The following KCNIP1 variants were observed in gnomAD, a reference collection of about 807,000 sequenced individuals.
The protein encoded by KCNIP1 is A-type potassium channel modulatory protein KCNIP1.
KCNIP1 carries 18 observed loss-of-function variants against 33.0 expected under a neutral mutation model. The observed-to-expected ratio is 0.55, with a 90% CI of 0.38 to 0.81. The LOEUF (loss-of-function observed/expected upper bound fraction) is 0.81, where lower values mean the gene tolerates loss of function less well. Among genes scored for constraint, KCNIP1 ranks in the 30% least tolerant of loss-of-function variants. The pLI, the probability that KCNIP1 is intolerant of heterozygous loss-of-function variation, is 0.00. For synonymous variants in KCNIP1, 93 were observed against 98.3 expected (o/e 0.95, Z 0.32); for missense variants, 238 against 271.6 (o/e 0.88, Z 0.87).
intron 1 of KCNIP1, among the ~76,000 whole-genome samples, chr5:170,591,327 C>A (rs1018678964): frequency 1.3e-5 from 2 of 152,128 alleles, no homozygotes; most frequent in Non-Finnish European, 1.5e-5. Flanking sequence ...CCTGTATTCT[C>A]AGGACTTGGA....
intron 1 of KCNIP1, among the ~76,000 whole-genome samples, chr5:170,679,775 C>T (rs1430197413): frequency 6.6e-6 from 1 of 151,078 alleles, no homozygotes; most frequent in African/African-American, 2.4e-5. Context: ...GGAAAAGATA[C>T]ATGGATGTGC....
intron 1 of KCNIP1, among the ~76,000 whole-genome samples, chr5:170,704,391 CTCTT>C (rs1344703534): frequency 1.5e-5 from 2 of 136,666 alleles, no homozygotes; most frequent in East Asian, 4.0e-4. Context: ...GTCACCTTTT[CTCTT>C]TCTTCTCTGA....
intron 1 of KCNIP1, among the ~76,000 whole-genome samples, chr5:170,417,049 G>A (rs976316499): frequency 6.6e-6 from 1 of 152,204 alleles, no homozygotes; most frequent in Non-Finnish European, 1.5e-5. Context: ...TTAGTTAGAA[G>A]GATGCAGTAT....
At chr5:170,563,027 C>T (rs1561688595) in intron 1 of KCNIP1, among the ~76,000 whole-genome samples, 1 of 152,130 alleles carries the variant, frequency 6.6e-6, no homozygotes, top group Non-Finnish European at 1.5e-5. Context: ...CACCTCCACC[C>T]ACACACAGAT....
At chr5:170,717,519 G>C (rs962747397) in intron 1 of KCNIP1, among the ~76,000 whole-genome samples, 6 of 152,144 alleles carry the variant, frequency 3.9e-5, no homozygotes, top group Non-Finnish European at 7.3e-5. Context: ...TTGTTACCAA[G>C]TTACGGGAGC....
chr5:170,439,926 G>A (rs1247729661), intron 1 of KCNIP1, among the ~76,000 whole-genome samples: 1 of 152,144 alleles, frequency 6.6e-6, no homozygotes, highest in African/African-American at 2.4e-5. Flanking sequence ...GTCCACAGGC[G>A]GCCATCCCCG....
intron 1 of KCNIP1, among the ~76,000 whole-genome samples, chr5:170,589,168 T>C (rs1223144378): frequency 6.6e-6 from 1 of 151,912 alleles, no homozygotes; most frequent in African/African-American, 2.4e-5. Flanking sequence ...TGGCTAACTT[T>C]TTTTGTATTT....
chr5:170,666,203 TGGG>T (rs1761695460), intron 1 of KCNIP1, among the ~76,000 whole-genome samples: 1 of 152,234 alleles, frequency 6.6e-6, no homozygotes, highest in Non-Finnish European at 1.5e-5. Flanking sequence ...GTTGACACTT[TGGG>T]TTATAATCCA....
chr5:170,711,488 T>A (rs1372626991), intron 1 of KCNIP1, among the ~76,000 whole-genome samples: 3 of 152,212 alleles, frequency 2.0e-5, no homozygotes, highest in African/African-American at 7.2e-5. Context: ...AGTGGATACA[T>A]GACGTCATGC....
At position 170,431,954 on chromosome 5, in the gene KCNIP1, G is replaced by C. The variant is rs138968484; in HGVS notation, c.88+77990G>C. On this transcript the variant is annotated intron_variant, in intron 1 of 7. Transcript: ENST00000377360. Reference sequence around the variant, plus strand: ...AAGGCTCAGGCCTGAGGGGTTGCTGGTGGGCAGATTCCATCTCATGGTTGA... The same window carrying C: ...AAGGCTCAGGCCTGAGGGGTTGCTGCTGGGCAGATTCCATCTCATGGTTGA... Among the ~76,000 whole-genome samples the C allele has an allele frequency of 9.9e-3, 1,508 of 152,060 alleles. 20 individuals are homozygous for C. Among genetic ancestry groups the C allele is most frequent in the Non-Finnish European group, 0.017 (1,132 of 68,020 alleles).
At chr5:170,697,385 G>T (rs1265071437) in intron 1 of KCNIP1, among the ~76,000 whole-genome samples, 2 of 152,188 alleles carry the variant, frequency 1.3e-5, no homozygotes, top group Non-Finnish European at 2.9e-5. Flanking sequence ...CACACTGCCT[G>T]CCAAAGTGCC....
intron 6 of KCNIP1, 43 bp from the exon 7 acceptor site, chr5:170,733,793 A>G: frequency 6.7e-7 from 1 of 1,493,878 alleles, no homozygotes; most frequent in Non-Finnish European, 9.3e-7. Context: ...TTTGGAATGG[A>G]GATCACCAGA....
rs1381734770 is a variant in KCNIP1 at position 170,504,257 on chromosome 5, C to A, written c.-316C>A. On this transcript the variant is annotated 5_prime_UTR_variant, in exon 1 of 8. Transcript: ENST00000328939. The surrounding 1 kb of genome is among the most constrained non-coding windows in gnomAD (Gnocchi z 6.0). The stretch of plus-strand genomic sequence containing the variant: ...CCGGGCGGCCGCTCTGGCCCCGTGT[C>A]CAGTGCCAGGCAGGCTTCAGGGCAC... 38 of 1,139,524 alleles carry A rather than the reference C, an allele frequency of 3.3e-5. No homozygotes were observed. Among genetic ancestry groups the A allele is most frequent in the Non-Finnish European group, 4.0e-5 (37 of 930,190 alleles). The allele number at this position is 1,139,524 out of a possible 1,614,324, so 70.6% of individuals were successfully genotyped here.
At chr5:170,482,612 A>G (rs1757000974) in intron 1 of KCNIP1, among the ~76,000 whole-genome samples, 1 of 151,638 alleles carries the variant, frequency 6.6e-6, no homozygotes, top group South Asian at 2.1e-4. Flanking sequence ...TTGAGGAATC[A>G]CTCTCCCCAA....
intron 1 of KCNIP1, among the ~76,000 whole-genome samples, chr5:170,606,506 T>G (rs1032096409): frequency 6.6e-6 from 1 of 152,148 alleles, no homozygotes; most frequent in Non-Finnish European, 1.5e-5. Context: ...AAATGACTGA[T>G]AGCCTTTGTG....
rs796668890 is a variant in KCNIP1 at position 170,589,798 on chromosome 5, C to A, written c.61+85165C>A. 4.9e-5 allele frequency among the ~76,000 whole-genome samples: 6 copies of A among 123,520 alleles called. No homozygotes were observed. In the East Asian group the frequency reaches 1.0e-3, roughly 21 times the overall value. 81.0% of individuals were successfully genotyped at this position (123,520 alleles called of 152,430 possible). ...GTGTGGTGTGATGTGATGTGGTGTGCGGTGCGGTGCGGTGCGGTGTGGTGT... is the reference window on the plus strand; with the variant it reads ...GTGTGGTGTGATGTGATGTGGTGTGAGGTGCGGTGCGGTGCGGTGTGGTGT... On this transcript the variant is annotated intron_variant, in intron 1 of 7. Transcript: ENST00000328939.
chr5:170,687,603 T>A (rs1762582491), intron 1 of KCNIP1, among the ~76,000 whole-genome samples: 1 of 152,230 alleles, frequency 6.6e-6, no homozygotes, highest in Non-Finnish European at 1.5e-5. Flanking sequence ...TGAGGTGATC[T>A]TGTCTCCTTC....
intron 1 of KCNIP1, among the ~76,000 whole-genome samples, chr5:170,655,923 A>G (rs1005697420): frequency 6.6e-6 from 1 of 152,202 alleles, no homozygotes; most frequent in African/African-American, 2.4e-5. Context: ...CATAGGAGAA[A>G]GCTTTCCAAC....
intron 1 of KCNIP1, among the ~76,000 whole-genome samples, chr5:170,396,500 G>A (rs1429706788): frequency 1.3e-5 from 2 of 152,174 alleles, no homozygotes; most frequent in African/African-American, 4.8e-5. Flanking sequence ...TAAATGTTAA[G>A]GAGACAGAAG....
Sources: allele counts gnomAD v4.1 joint callset (sites outside exome capture counted in the v4.1 genomes callset), GRCh38; gene constraint gnomAD v4.1.1; non-coding constraint Gnocchi (gnomAD v3.1); transcripts MANE v1.5; gene names NCBI Gene and HGNC (gene_info 2026-07-23, HGNC 2026-07-21).